ICMT: variants seen among roughly 807,000 people sequenced by gnomAD.
ICMT encodes isoprenylcysteine carboxyl methyltransferase.
ICMT carries 10 observed loss-of-function variants against 32.2 expected under a neutral mutation model. That is an observed-to-expected ratio of 0.31 (90% CI 0.19 to 0.53). The LOEUF is 0.53. Ranked by LOEUF, ICMT falls within the 20% of genes least tolerant of loss-of-function variation. ICMT has a pLI of 0.96. For synonymous variants in ICMT, 183 were observed against 158.2 expected, an observed-to-expected ratio of 1.16 and a Z score of -1.18; for missense variants, 265 against 356.9, an observed-to-expected ratio of 0.74 and a Z score of 2.07.
intron 2 of ICMT, 62 bp downstream of exon 2, chr1:6,234,824 C>G: frequency 8.1e-7 from 1 of 1,229,416 alleles, no homozygotes; most frequent in South Asian, 1.2e-5. Flanking sequence ...GGAAATGCCG[C>G]TACAGACCCT....
At chr1:6,235,236 G>A (rs778695223) in intron 1 of ICMT, among the ~76,000 whole-genome samples, 22 of 152,216 alleles carry the variant, frequency 1.4e-4, no homozygotes, top group Non-Finnish European at 1.2e-4. Flanking sequence ...TAGGACTGCA[G>A]TAAGGATTAC....
intron 4 of ICMT, among the ~76,000 whole-genome samples, chr1:6,230,610 C>T (rs980785204): frequency 7.7e-6 from 1 of 129,186 alleles, no homozygotes; most frequent in Non-Finnish European, 1.7e-5. Flanking sequence ...AAAAAAAAAG[C>T]TGGGCACGGT....
chr1:6,234,196 C>T (rs2100969673), intron 2 of ICMT, among the ~76,000 whole-genome samples: 1 of 152,244 alleles, frequency 6.6e-6, no homozygotes, highest in African/African-American at 2.4e-5. Context: ...TTGAATGTCA[C>T]AGGCAAAACA....
rs376436632 is a variant in ICMT, at chr1:6,231,125, C to G, written c.672+777G>C. On this transcript the variant is annotated intron_variant, in intron 4 of 4. Coordinates refer to ENST00000343813, the MANE Select transcript of ICMT (RefSeq NM_012405.4). ...GGCAGAGGTTGCAGTGAACCAAGAT[C>G]GCACCACTGCACTCTGGCCTGGTCA... is the stretch of plus-strand genomic sequence containing the variant. 1.5e-4 allele frequency among the ~76,000 whole-genome samples: 23 copies of G among 151,488 alleles called. No homozygotes were observed. In the East Asian group the frequency reaches 1.7e-3, roughly 11 times the overall value.
At chr1:6,232,558 T>C (rs1277553060) in intron 3 of ICMT, among the ~76,000 whole-genome samples, 1 of 152,240 alleles carries the variant, frequency 6.6e-6, no homozygotes, top group South Asian at 2.1e-4. Flanking sequence ...CGGAGGCTTT[T>C]ATTTTTTGAG....
At chr1:6,229,781 A>ACAC (rs1557601939) in intron 4 of ICMT, among the ~76,000 whole-genome samples, 5 of 76,210 alleles carry the variant, frequency 6.6e-5, no homozygotes, top group African/African-American at 3.0e-4. Flanking sequence ...AAATAAAAAA[A>ACAC]ATACACACAC....
intron 4 of ICMT, among the ~76,000 whole-genome samples, chr1:6,230,113 G>A (rs1027776349): frequency 7.0e-6 from 1 of 142,836 alleles, no homozygotes; most frequent in Non-Finnish European, 1.5e-5. Context: ...AACAAAGGAG[G>A]AACCATCTCT....
At chr1:6,226,851 C>T (rs78583600) in intron 4 of ICMT, among the ~76,000 whole-genome samples, 233 of 152,340 alleles carry the variant, frequency 1.5e-3, no homozygotes, top group Middle Eastern at 3.4e-3. Flanking sequence ...GGGGGAACTA[C>T]AGGCATGTGC....
At chr1:6,233,680 G>T (rs1324941219) in intron 2 of ICMT, 37 bp from the exon 3 acceptor site, 2 of 1,573,172 alleles carry the variant, frequency 1.3e-6, no homozygotes, top group South Asian at 1.2e-5. Flanking sequence ...GTTGGGACAA[G>T]AGAACCAAGT....
rs755068189 is a variant in ICMT at position 6,235,899 on chromosome 1, C to G, written c.13G>C (p.Ala5Pro). The part of the protein sequence containing the change: MAGC[A>P]ARAPPGSEAR... ...TCAGAGCCCGGCGGAGCCCGCGCCG[C>G]GCAGCCCGCCATGGCGCCGGGCGGC... is the stretch of plus-strand genomic sequence containing the variant. The change falls in exon 1 of 5, where the codon GCG (alanine) becomes CCG (proline). Residue 5 changes from alanine to proline, a missense_variant. Physicochemically the swap from Ala to Pro is conservative, Grantham distance 27. Coordinates refer to ENST00000343813, the MANE Select transcript of ICMT (RefSeq NM_012405.4). The G allele has an allele frequency of 2.8e-5, 31 of 1,121,360 alleles. No homozygotes were observed. In the South Asian group the frequency reaches 1.0e-3, roughly 37 times the overall value. The allele number at this position is 1,121,360 out of a possible 1,614,324, so 69.5% of individuals were successfully genotyped here.
Position 6,224,866 on chromosome 1 carries a change from C to T in ICMT, c.*214G>A. 3 of 548,260 alleles carry T rather than the reference C, an allele frequency of 5.5e-6. No homozygotes were observed. Among genetic ancestry groups the T allele is most frequent in the East Asian group, 3.1e-5 (1 of 32,770 alleles). The allele number at this position is 548,260 out of a possible 1,614,324, so 34.0% of individuals were successfully genotyped here. ...ATTTGCCCCTTACTCGTCTTTCACC[C>T]ATGTTCCGCCTTGATTCGGCATAAG... On this transcript the variant is annotated 3_prime_UTR_variant, in exon 5 of 5. Transcript: ENST00000343813.
Position 6,225,059 on chromosome 1 carries a change from G to C in ICMT, c.*21C>G, listed in dbSNP as rs760548833. On this transcript the variant is annotated 3_prime_UTR_variant, in exon 5 of 5. Transcript: ENST00000343813. ...GGCTGCACAGGGTCGGAGGCCCCAA[G>C]GTCACCGGGGCCACTGCCCGTCACA... 6 of 1,603,076 alleles carry C rather than the reference G, an allele frequency of 3.7e-6. No individual in the cohort carries two copies. The highest frequency in any genetic ancestry group is 3.3e-5 in the South Asian group (3 of 89,846).
At chr1:6,235,487 A>T (rs906692037) in intron 1 of ICMT, among the ~76,000 whole-genome samples, 2 of 151,670 alleles carry the variant, frequency 1.3e-5, no homozygotes, top group Non-Finnish European at 2.9e-5. Context: ...CGCTCACTCC[A>T]CCCCACGCGC....
chr1:6,228,283 A>G (rs920108594), intron 4 of ICMT, among the ~76,000 whole-genome samples: 4 of 151,994 alleles, frequency 2.6e-5, no homozygotes, highest in South Asian at 4.2e-4. Context: ...ACTTCCAGAT[A>G]TATTTTTAGT....
rs963147652 is a variant in ICMT, at chr1:6,223,319, G to A, written c.*1761C>T. The A allele has an allele frequency of 6.6e-6, 1 of 152,202 alleles. No homozygotes were observed. The allele number at this position is 152,202 out of a possible 1,614,324, so 9.4% of individuals were successfully genotyped here. A position where few individuals can be genotyped will look rare whatever the true frequency, so the allele number is the denominator to read the frequency against. The stretch of plus-strand genomic sequence containing the variant: ...AGACGGGGTTTTATCATGTTGGCCA[G>A]GCTGGTCTCGAACGCCTGACCTCAT... On this transcript the variant is annotated 3_prime_UTR_variant, in exon 5 of 5. Coordinates refer to ENST00000343813, the MANE Select transcript of ICMT (RefSeq NM_012405.4).
chr1:6,228,342 CTTT>C (rs1469626919), intron 4 of ICMT, among the ~76,000 whole-genome samples: 1 of 151,062 alleles, frequency 6.6e-6, no homozygotes, highest in Non-Finnish European at 1.5e-5. Flanking sequence ...AAGCTGGTTT[CTTT>C]TTCTTTTTTT....
chr1:6,225,289 C>G, intron 4 of ICMT, 27 bp from the exon 5 acceptor site: 3 of 1,604,974 alleles, frequency 1.9e-6, no homozygotes, highest in Non-Finnish European at 2.6e-6. Flanking sequence ...CCAGGCTCAT[C>G]AGGGTGACCG....
chr1:6,235,190 C>T (rs1371710130), intron 1 of ICMT, among the ~76,000 whole-genome samples: 1 of 152,188 alleles, frequency 6.6e-6, no homozygotes, highest in Non-Finnish European at 1.5e-5. Context: ...AGCTTGCTTC[C>T]CCATCTACAG....
At position 6,222,317 on chromosome 1, in the gene ICMT, G is replaced by C. The variant is rs1668567923; in HGVS notation, c.*2763C>G. On this transcript the variant is annotated 3_prime_UTR_variant, in exon 5 of 5. Coordinates refer to ENST00000343813, the MANE Select transcript of ICMT (RefSeq NM_012405.4). ...CCAAGCCTGTAATCCCAGCTACTCA[G>C]GAGGCTGAGGCAGGAGAATCGCTTG... The C allele has an allele frequency of 6.6e-6, 1 of 152,358 alleles. No homozygotes were observed. 9.4% of individuals were successfully genotyped at this position (152,358 alleles called of 1,614,324 possible). A position where few individuals can be genotyped will look rare whatever the true frequency, so the allele number is the denominator to read the frequency against.
Sources: gnomAD v4.1 joint callset for allele counts (sites outside exome capture counted in the v4.1 genomes callset) on GRCh38, gnomAD v4.1.1 for gene constraint, MANE v1.5 for transcripts, NCBI Gene and HGNC (gene_info 2026-07-23, HGNC 2026-07-21) for gene names.